PTPRD: variants seen among roughly 807,000 people sequenced by gnomAD.
The protein encoded by PTPRD is protein tyrosine phosphatase receptor type D, also known as receptor-type tyrosine-protein phosphatase delta.
In PTPRD, 34 loss-of-function variants were observed where a neutral mutation model predicts 214.5. The ratio of observed to expected loss-of-function variants is 0.16; its 90% CI spans 0.12 to 0.21. The LOEUF (loss-of-function observed/expected upper bound fraction) is 0.21. Among genes scored for constraint, PTPRD ranks in the 10% least tolerant of loss-of-function variants. PTPRD has a pLI of 1.00. For synonymous variants in PTPRD, 1,128 were observed against 845.7 expected (o/e 1.33, Z -5.79); for missense variants, 2,545 against 2,398.7 (o/e 1.06, Z -1.27).
intron 34 of PTPRD, chr9:8,437,126 G>C (rs1287352423): frequency 9.6e-7 from 1 of 1,037,114 alleles, no homozygotes; most frequent in Non-Finnish European, 1.4e-6. Context: ...CACTGAGAAA[G>C]GCCTAAAAGG....
chr9:9,556,336 A>C (rs2154288345), intron 8 of PTPRD, among the ~76,000 whole-genome samples: 1 of 152,268 alleles, frequency 6.6e-6, no homozygotes, highest in East Asian at 1.9e-4. Flanking sequence ...TTGCTGTCTC[A>C]GGAAAGCAGA....
chr9:9,303,114 A>G (rs1217199896), intron 9 of PTPRD, among the ~76,000 whole-genome samples: 1 of 151,994 alleles, frequency 6.6e-6, no homozygotes, highest in East Asian at 1.9e-4. Flanking sequence ...CCCCAAATCA[A>G]TGAGGGAGAT....
At chr9:10,144,604 A>G (rs896028791) in intron 3 of PTPRD, among the ~76,000 whole-genome samples, 1 of 152,104 alleles carries the variant, frequency 6.6e-6, no homozygotes, top group Admixed American at 6.6e-5. Context: ...AGCATCATCT[A>G]TTTCATTTCT....
At chr9:8,357,726 T>C (rs969536715) in intron 39 of PTPRD, among the ~76,000 whole-genome samples, 1 of 152,122 alleles carries the variant, frequency 6.6e-6, no homozygotes, top group African/African-American at 2.4e-5. Context: ...ATCTACCTCA[T>C]ATAGGGAGGA....
chr9:10,508,679 G>A (rs2046918704), intron 2 of PTPRD, among the ~76,000 whole-genome samples: 1 of 152,074 alleles, frequency 6.6e-6, no homozygotes, highest in Admixed American at 6.6e-5. Flanking sequence ...ATCATTCTCA[G>A]CAAACTATCG....
intron 6 of PTPRD, among the ~76,000 whole-genome samples, chr9:9,764,375 A>T (rs558830471): frequency 6.6e-6 from 1 of 152,330 alleles, no homozygotes; most frequent in South Asian, 2.1e-4. Flanking sequence ...TGACACACAA[A>T]TCTTTAAAAA....
intron 4 of PTPRD, among the ~76,000 whole-genome samples, chr9:9,947,425 TTA>T (rs1187908591): frequency 0.028 from 926 of 32,768 alleles, 34 homozygotes; most frequent in East Asian, 0.17. Context: ...TATATATATA[TTA>T]TATATATATT....
At chr9:10,482,880 G>C (rs926487499) in intron 2 of PTPRD, among the ~76,000 whole-genome samples, 1 of 152,106 alleles carries the variant, frequency 6.6e-6, no homozygotes, top group African/African-American at 2.4e-5. Context: ...TTGACAGATT[G>C]AATGCAATCC....
At chr9:10,382,439 T>A (rs1397565268) in intron 2 of PTPRD, among the ~76,000 whole-genome samples, 1 of 151,900 alleles carries the variant, frequency 6.6e-6, no homozygotes, top group Non-Finnish European at 1.5e-5. Flanking sequence ...GACTTGCCAT[T>A]AGCCATTTTT....
chr9:9,755,612 C>T (rs1002353643), intron 6 of PTPRD, among the ~76,000 whole-genome samples: 1 of 151,892 alleles, frequency 6.6e-6, no homozygotes, highest in Non-Finnish European at 1.5e-5. Context: ...TATTATAATC[C>T]TTCGCTACTG....
chr9:9,288,038 A>G (rs886381022), intron 9 of PTPRD, among the ~76,000 whole-genome samples: 5 of 151,706 alleles, frequency 3.3e-5, no homozygotes, highest in African/African-American at 9.7e-5. Flanking sequence ...GCAGCACAAG[A>G]TTTCCTATTA....
intron 4 of PTPRD, among the ~76,000 whole-genome samples, chr9:9,985,168 T>C (rs1208183178): frequency 1.3e-5 from 2 of 152,228 alleles, no homozygotes; most frequent in East Asian, 1.9e-4. Flanking sequence ...TACAACTACG[T>C]CTTCTCCAAT....
Position 8,704,814 on chromosome 9 carries a change from T to C in PTPRD, c.64+28966A>G, listed in dbSNP as rs1386659684. Among the ~76,000 whole-genome samples, 11 of 151,618 alleles carry C rather than the reference T, an allele frequency of 7.3e-5. No individual in the cohort carries two copies. The South Asian group carries it at 8.3e-4, about 12-fold the overall frequency. On this transcript the variant is annotated intron_variant, in intron 12 of 45. Transcript: ENST00000381196. Reference sequence around the variant, plus strand: ...TGTGTGCACCTGTAATCCCAGCTACTTGGGACGCTGAGGCAGGAGAATCAT... The same window carrying C: ...TGTGTGCACCTGTAATCCCAGCTACCTGGGACGCTGAGGCAGGAGAATCAT...
intron 9 of PTPRD, among the ~76,000 whole-genome samples, chr9:9,243,281 C>A (rs1274762725): frequency 6.6e-6 from 1 of 152,148 alleles, no homozygotes; most frequent in Non-Finnish European, 1.5e-5. Context: ...TCCTCCCTAA[C>A]TCATTTTATG....
intron 12 of PTPRD, among the ~76,000 whole-genome samples, chr9:8,732,321 T>C (rs1042760181): frequency 3.3e-5 from 5 of 152,198 alleles, no homozygotes; most frequent in Non-Finnish European, 5.9e-5. Flanking sequence ...AGAAAAACTC[T>C]AGCTGTGATC....
At chr9:9,731,623 C>G (rs1411870798) in intron 7 of PTPRD, among the ~76,000 whole-genome samples, 2 of 152,016 alleles carry the variant, frequency 1.3e-5, no homozygotes, top group African/African-American at 2.4e-5. Flanking sequence ...CTACACCCCA[C>G]AATGCAGCCA....
intron 14 of PTPRD, among the ~76,000 whole-genome samples, chr9:8,608,734 T>C (rs968408450): frequency 4.6e-5 from 7 of 152,054 alleles, no homozygotes; most frequent in Non-Finnish European, 8.8e-5. Context: ...ACTTTGAAAA[T>C]GCACCGAAAA....
intron 11 of PTPRD, among the ~76,000 whole-genome samples, chr9:8,922,043 AT>A (rs769336013): frequency 6.7e-6 from 1 of 148,704 alleles, no homozygotes; most frequent in Non-Finnish European, 1.5e-5. Context: ...GTGAGAAGGG[AT>A]TAGTGGTTAA....
intron 5 of PTPRD, among the ~76,000 whole-genome samples, chr9:9,888,029 C>G (rs554718334): frequency 1.5e-4 from 23 of 152,092 alleles, no homozygotes; most frequent in Non-Finnish European, 8.8e-5. Context: ...CCTGGGGAAA[C>G]TGGCCCGTTA....
Sources: allele counts gnomAD v4.1 joint callset (sites outside exome capture counted in the v4.1 genomes callset), GRCh38; gene constraint gnomAD v4.1.1; transcripts MANE v1.5; gene names NCBI Gene and HGNC (gene_info 2026-07-23, HGNC 2026-07-21).